The following LAMB1 variants were observed in gnomAD, a reference collection of about 807,000 sequenced individuals.
LAMB1 encodes laminin subunit beta-1.
LAMB1 carries 121 observed loss-of-function variants against 222.3 expected under a neutral mutation model. The ratio of observed to expected loss-of-function variants is 0.54; its 90% CI spans 0.47 to 0.63. The LOEUF is 0.63. Among genes scored for constraint, LAMB1 ranks in the 30% least tolerant of loss-of-function variants. The pLI is 0.00. For missense variants in LAMB1, 2,172 were observed against 2,240.8 expected (o/e 0.97, Z 0.62); for synonymous variants, 794 against 807.2 (o/e 0.98, Z 0.28).
intron 17 of LAMB1, among the ~76,000 whole-genome samples, chr7:107,960,977 A>C (rs1189575002): frequency 6.6e-6 from 1 of 152,166 alleles, no homozygotes; most frequent in Non-Finnish European, 1.5e-5. Flanking sequence ...TACAGGTGTG[A>C]GTCACTACGC....
chr7:107,937,022 G>T, intron 26 of LAMB1, 71 bp downstream of exon 26: 1 of 1,239,298 alleles, frequency 8.1e-7, no homozygotes, highest in South Asian at 1.6e-5. Flanking sequence ...TTCCCCAAAA[G>T]TGCTATATTA....
chr7:107,977,971 T>G (rs2150441001), intron 9 of LAMB1, 76 bp downstream of exon 9: 3 of 1,550,608 alleles, frequency 1.9e-6, no homozygotes, highest in Non-Finnish European at 2.7e-6. Flanking sequence ...AACAGTACAC[T>G]GTTACAGTAC....
At chr7:107,993,485 C>G (rs962730134) in intron 5 of LAMB1, among the ~76,000 whole-genome samples, 4 of 152,158 alleles carry the variant, frequency 2.6e-5, no homozygotes, top group Admixed American at 2.0e-4. Context: ...CCCCGTTTTA[C>G]CTTCTGCGCC....
chr7:107,932,345 G>A lies in LAMB1; in HGVS notation c.4221C>T (p.Ser1407=), dbSNP rs35082294. The A allele has an allele frequency of 7.8e-4, 1,263 of 1,614,166 alleles. 7 individuals are homozygous for A. The African/African-American group carries it at 0.013, about 17-fold the overall frequency. Residue 1407 remains serine (S), a synonymous_variant, in exon 28 of 34, where the codon TCC becomes TCT. Transcript: ENST00000222399. ...TCGTPPGASC[S]ETECGGPNCR... is the part of the protein sequence containing the mutation. ...AGTTTGGCCCGCCACATTCAGTCTC[G>A]GAACAGGAGGCCCCTGGGGGTGTTC...
rs2150427062 is a variant in LAMB1 at position 107,959,362 on chromosome 7, C to G, written c.2577G>C (p.Trp859Cys). The G allele has an allele frequency of 3.7e-6, 6 of 1,614,264 alleles. No individual in the cohort carries two copies. The highest frequency in any genetic ancestry group is 5.1e-6 in the Non-Finnish European group (6 of 1,180,046). ...GGCAGGGCTGGCAACTTGGAAAGCCCCAGTGCCCAGGTAAGCACCGATCAC... is the reference window on the plus strand; with the variant it reads ...GGCAGGGCTGGCAACTTGGAAAGCCGCAGTGCCCAGGTAAGCACCGATCAC... ...RQCDRCLPGH[W>C]GFPSCQPCQC... The change falls in exon 20 of 34, where the codon TGG (tryptophan) becomes TGC (cysteine). Residue 859 changes from tryptophan to cysteine, a missense_variant. By Grantham distance (215) the Trp-to-Cys change is radical. Coordinates refer to ENST00000222399, the MANE Select transcript of LAMB1 (RefSeq NM_002291.3).
At chr7:107,930,584 C>T (rs1366576282) in intron 29 of LAMB1, among the ~76,000 whole-genome samples, 1 of 152,160 alleles carries the variant, frequency 6.6e-6, no homozygotes, top group Non-Finnish European at 1.5e-5. Context: ...TATGCATTGG[C>T]ATGTGACTTA....
At chr7:107,928,710 C>T (rs886847788) in intron 31 of LAMB1, among the ~76,000 whole-genome samples, 4 of 152,196 alleles carry the variant, frequency 2.6e-5, no homozygotes, top group African/African-American at 9.7e-5. Flanking sequence ...CCACGCTGGT[C>T]TTGAACTACT....
chr7:108,002,368 G>A (rs763932809), intron 2 of LAMB1: 1 of 1,316,386 alleles, frequency 7.6e-7, no homozygotes, highest in Admixed American at 2.3e-5. Context: ...CCAGGGAAGC[G>A]CCAGGTCCTG....
chr7:107,987,766 T>C (rs2299432), intron 5 of LAMB1, among the ~76,000 whole-genome samples: 95,988 of 152,030 alleles, frequency 0.63, 30,947 homozygotes, highest in African/African-American at 0.74. Context: ...CCTCCCAAAG[T>C]GAGGGGATTA....
intron 13 of LAMB1, among the ~76,000 whole-genome samples, chr7:107,966,461 G>A (rs1049417023): frequency 1.1e-4 from 17 of 151,920 alleles, no homozygotes; most frequent in Non-Finnish European, 2.1e-4. Context: ...CATCTGCTTC[G>A]GTCTCCCAAA....
chr7:107,973,863 A>G (rs2033800710), intron 12 of LAMB1, among the ~76,000 whole-genome samples: 1 of 152,148 alleles, frequency 6.6e-6, no homozygotes, highest in Non-Finnish European at 1.5e-5. Context: ...TGGCCAGGCT[A>G]GTCTTGAACT....
chr7:108,001,708 A>G lies in LAMB1; in HGVS notation c.63T>C (p.Ala21=). ...AGCCGTAGCTGAACTCGGGTTCCTGAGCGCGCACTCGGGCTCTGCACAGGG... is the reference window on the plus strand; with the variant it reads ...AGCCGTAGCTGAACTCGGGTTCCTGGGCGCGCACTCGGGCTCTGCACAGGG... ...FLALCRARVR[A]QEPEFSYGCA... is the part of the protein sequence containing the mutation. Residue 21 remains alanine (A), a synonymous_variant, in exon 3 of 34, where the codon GCT becomes GCC. Transcript: ENST00000222399. 2 of 1,612,738 alleles carry G rather than the reference A, an allele frequency of 1.2e-6. No individual in the cohort carries two copies. Among genetic ancestry groups the G allele is most frequent in the Non-Finnish European group, 1.7e-6 (2 of 1,179,848 alleles).
chr7:107,972,159 A>G (rs1426168268), intron 13 of LAMB1, among the ~76,000 whole-genome samples: 1 of 152,232 alleles, frequency 6.6e-6, no homozygotes, highest in African/African-American at 2.4e-5. Context: ...CTCGAACAGA[A>G]CAAACCCAAA....
At chr7:107,986,394 GT>G in intron 5 of LAMB1, 31 bp from the exon 6 acceptor site, 2 of 1,541,680 alleles carry the variant, frequency 1.3e-6, no homozygotes, top group Non-Finnish European at 1.8e-6. Context: ...CTCATTTGAT[GT>G]TTTTTATTGG....
intron 24 of LAMB1, among the ~76,000 whole-genome samples, chr7:107,943,370 TG>T (rs1196337583): frequency 6.6e-6 from 1 of 152,230 alleles, no homozygotes; most frequent in Non-Finnish European, 1.5e-5. Flanking sequence ...GAGAAAGGCT[TG>T]GGAAAACCAC....
Position 107,961,508 on chromosome 7 carries a change from A to T in LAMB1, c.1985+41T>A, listed in dbSNP as rs114714347. 918 of 1,597,568 alleles carry T rather than the reference A, an allele frequency of 5.7e-4. 2 individuals carry two copies. In the African/African-American group the frequency reaches 0.011, roughly 19 times the overall value. On this transcript the variant is annotated intron_variant, in intron 16 of 33. Transcript: ENST00000222399. ...AAATATTAGAAAAATACTAATTTGC[A>T]TATGAAGCCCGTTGAGCTGCCAAAC... is the stretch of plus-strand genomic sequence containing the variant.
chr7:107,943,816 C>T (rs992226163), intron 24 of LAMB1, among the ~76,000 whole-genome samples: 26 of 152,100 alleles, frequency 1.7e-4, no homozygotes, highest in South Asian at 2.1e-4. Context: ...AGAGCATGTG[C>T]GTGTGTGTGT....
chr7:107,953,532 C>T lies in LAMB1; in HGVS notation c.3077G>A (p.Arg1026Gln), dbSNP rs193010498. ...YYGDALQQDC[R>Q]KCVCNYLGTV... ...GGCAGAATAAATGTGCATCTTACTT[C>T]GACAGTCCTGCTGGAGGGCATCACC... Residue 1026 changes from arginine to glutamine, a missense_variant and splice_region_variant, in exon 22 of 34, where the codon CGA becomes CAA. Transcript: ENST00000222399. 6.4e-5 allele frequency: 103 copies of T among 1,610,024 alleles called. No homozygotes were observed. The Admixed American group carries it at 1.1e-3, about 18-fold the overall frequency.
chr7:107,967,878 C>G (rs1013229768), intron 13 of LAMB1, among the ~76,000 whole-genome samples: 1 of 152,072 alleles, frequency 6.6e-6, no homozygotes, highest in Non-Finnish European at 1.5e-5. Flanking sequence ...GATAGAGTTA[C>G]AAGCAAAGCA....
Sources: gnomAD v4.1 joint callset for allele counts (sites outside exome capture counted in the v4.1 genomes callset) on GRCh38, gnomAD v4.1.1 for gene constraint, MANE v1.5 for transcripts, NCBI Gene and HGNC (gene_info 2026-07-23, HGNC 2026-07-21) for gene names.